Variants in ARHGEF7 observed in about 807,000 individuals in gnomAD.
The protein encoded by ARHGEF7 is Rho guanine nucleotide exchange factor 7, also known as PAK-interacting exchange factor beta.
Under a neutral mutation model 109.8 loss-of-function variants are expected in ARHGEF7, and 33 were observed. That is an observed-to-expected ratio of 0.30 (90% confidence interval 0.23 to 0.40). The LOEUF (loss-of-function observed/expected upper bound fraction) is 0.40. ARHGEF7 is among the 10% of genes least tolerant of loss of function. The pLI is 1.00. For synonymous variants in ARHGEF7, 458 were observed against 424.6 expected, an observed-to-expected ratio of 1.08 and a Z score of -0.97; for missense variants, 938 against 1,098.5, an observed-to-expected ratio of 0.85 and a Z score of 2.07.
At chr13:111,212,853 A>G (rs1229488029) in intron 4 of ARHGEF7, among the ~76,000 whole-genome samples, 1 of 152,230 alleles carries the variant, frequency 6.6e-6, no homozygotes, top group African/African-American at 2.4e-5. Context: ...ATGGTATGCC[A>G]TAATGTAATT....
intron 6 of ARHGEF7, chr13:111,241,123 T>C: frequency 6.6e-7 from 1 of 1,517,986 alleles, no homozygotes; most frequent in Non-Finnish European, 8.8e-7. Context: ...TCTCCATGCC[T>C]CGTGACCCCC....
intron 5 of ARHGEF7, among the ~76,000 whole-genome samples, chr13:111,229,192 T>C (rs2085666003): frequency 6.6e-6 from 1 of 152,178 alleles, no homozygotes; most frequent in South Asian, 2.1e-4. Context: ...TCCAGAGCTC[T>C]TCAGTTCCAG....
intron 1 of ARHGEF7, among the ~76,000 whole-genome samples, chr13:111,134,665 T>C (rs1471734932): frequency 6.6e-6 from 1 of 150,456 alleles, no homozygotes; most frequent in Non-Finnish European, 1.5e-5. Context: ...GTAAATTTGT[T>C]TGAGTTCTTT....
chr13:111,159,313 C>T (rs2076574472), intron 2 of ARHGEF7, among the ~76,000 whole-genome samples: 1 of 152,100 alleles, frequency 6.6e-6, no homozygotes, highest in South Asian at 2.1e-4. Flanking sequence ...GATTTTATAT[C>T]TTGGCTGTTG....
intron 5 of ARHGEF7, among the ~76,000 whole-genome samples, chr13:111,218,101 A>G (rs1287791153): frequency 6.6e-6 from 1 of 151,830 alleles, no homozygotes; most frequent in East Asian, 1.9e-4. Flanking sequence ...TCATCCTGGC[A>G]TTTTCCAGAC....
At chr13:111,206,261 A>C in intron 3 of ARHGEF7, among the ~76,000 whole-genome samples, 1 of 149,894 alleles carries the variant, frequency 6.7e-6, no homozygotes, top group African/African-American at 2.5e-5. Flanking sequence ...CTCACTGCAC[A>C]TTGAGGAGAG....
intron 8 of ARHGEF7, among the ~76,000 whole-genome samples, chr13:111,252,382 G>A (rs1595194800): frequency 6.6e-6 from 1 of 152,296 alleles, no homozygotes; most frequent in African/African-American, 2.4e-5. Context: ...CATTTGGGCA[G>A]TGAGGTAACC....
chr13:111,140,054 A>G (rs970511818), intron 1 of ARHGEF7, among the ~76,000 whole-genome samples: 2 of 152,202 alleles, frequency 1.3e-5, no homozygotes, highest in African/African-American at 4.8e-5. Context: ...ACTTTTTGGT[A>G]TATTACTTTT....
In ARHGEF7 at chr13:111,267,611, C is replaced by T. The variant is rs369728420; in HGVS notation, c.1014C>T (p.Thr338=). The T allele has an allele frequency of 2.0e-5, 32 of 1,613,976 alleles. No individual in the cohort carries two copies. In the African/African-American group the frequency reaches 4.1e-4, roughly 21 times the overall value. Residue 338 remains threonine, a synonymous_variant, in exon 9 of 22, where the codon ACC becomes ACT. Transcript: ENST00000646102. ...TAAACCTGATGCCACAGATGAAAAC[C>T]CTGTACCTCACGTATTGTGCCAATC... is the stretch of plus-strand genomic sequence containing the variant. ...CFLNLMPQMK[T]LYLTYCANHP...
intron 5 of ARHGEF7, 59 bp downstream of exon 5, chr13:111,217,939 G>C: frequency 6.7e-7 from 1 of 1,485,978 alleles, no homozygotes; most frequent in East Asian, 2.4e-5. Context: ...AGAAGTAAAT[G>C]TACTTGACAT....
Position 111,233,333 on chromosome 13 carries a change from G to T in ARHGEF7, c.759+40G>T. 2.0e-6 allele frequency: 3 copies of T among 1,516,700 alleles called. No individual in the cohort carries two copies. The South Asian group carries it at 3.4e-5, about 17-fold the overall frequency. The allele number at this position is 1,516,700 out of a possible 1,614,324, so 94.0% of individuals were successfully genotyped here. A position where few individuals can be genotyped will look rare whatever the true frequency, so the allele number is the denominator to read the frequency against. ...AACATTTTTAAACTAACTGGTTTTT[G>T]ACTGCCTGTAAAACTCAGCAATGTA... On this transcript the variant is annotated intron_variant, in intron 6 of 21. Transcript: ENST00000646102.
At chr13:111,233,180 A>G (rs2153527397) in intron 5 of ARHGEF7, 25 bp from the exon 6 acceptor site, 1 of 1,594,910 alleles carries the variant, frequency 6.3e-7, no homozygotes, top group Middle Eastern at 1.7e-4. Context: ...CTGATCAGTA[A>G]AACTATGTTA....
At chr13:111,221,006 GT>G in intron 5 of ARHGEF7, among the ~76,000 whole-genome samples, 1 of 148,280 alleles carries the variant, frequency 6.7e-6, no homozygotes, top group South Asian at 2.1e-4. Context: ...ATTAAGGGGA[GT>G]TTATTATATA....
chr13:111,182,138 G>A (rs2078802765), intron 2 of ARHGEF7: 3 of 152,190 alleles, frequency 2.0e-5, no homozygotes, highest in Non-Finnish European at 4.4e-5. Flanking sequence ...GAACACCGCC[G>A]TTCTGGATCG....
intron 2 of ARHGEF7, among the ~76,000 whole-genome samples, chr13:111,170,323 CCTG>C: frequency 6.6e-6 from 1 of 152,204 alleles, no homozygotes; most frequent in African/African-American, 2.4e-5. Flanking sequence ...GTCTTGAACT[CCTG>C]GCCTTAAGTG....
intron 2 of ARHGEF7, chr13:111,182,429 T>A (rs1452410044): frequency 2.0e-5 from 3 of 152,424 alleles, no homozygotes; most frequent in African/African-American, 7.2e-5. Context: ...TGTGACTCCA[T>A]CCGCCTTTAA....
At chr13:111,171,006 CATAAA>C (rs2077550869) in intron 2 of ARHGEF7, among the ~76,000 whole-genome samples, 1 of 152,174 alleles carries the variant, frequency 6.6e-6, no homozygotes, top group Non-Finnish European at 1.5e-5. Flanking sequence ...AAATATCCAT[CATAAA>C]ATAGGGAACT....
intron 2 of ARHGEF7, among the ~76,000 whole-genome samples, chr13:111,161,259 G>A (rs1291997789): frequency 6.6e-6 from 1 of 152,282 alleles, no homozygotes; most frequent in East Asian, 1.9e-4. Context: ...TTGTGACTTT[G>A]ATCTTCAGCT....
chr13:111,229,227 C>G (rs546525929), intron 5 of ARHGEF7, among the ~76,000 whole-genome samples: 2 of 152,286 alleles, frequency 1.3e-5, no homozygotes, highest in Non-Finnish European at 2.9e-5. Context: ...AGGACTACTT[C>G]CAGCTCACTC....
Sources: gnomAD v4.1 joint callset for allele counts (sites outside exome capture counted in the v4.1 genomes callset) on GRCh38, gnomAD v4.1.1 for gene constraint, MANE v1.5 for transcripts, NCBI Gene and HGNC (gene_info 2026-07-23, HGNC 2026-07-21) for gene names.